The following SLCO1A2 variants were observed in gnomAD, a reference collection of about 807,000 sequenced individuals.
SLCO1A2 encodes the protein OATP-1.
Under a neutral mutation model 69.0 loss-of-function variants are expected in SLCO1A2, and 67 were observed. The ratio of observed to expected loss-of-function variants is 0.97; its 90% CI spans 0.80 to 1.19. The LOEUF is 1.19. SLCO1A2 is among the 50% of genes most tolerant of loss of function. The pLI is 0.00. For missense variants in SLCO1A2, 787 were observed against 793.7 expected (o/e 0.99, Z 0.10); for synonymous variants, 260 against 265.9 (o/e 0.98, Z 0.22).
chr12:21,300,044 ATG>A (rs112100390), intron 8 of SLCO1A2, among the ~76,000 whole-genome samples: 1,652 of 135,184 alleles, frequency 0.012, 30 homozygotes, highest in African/African-American at 0.059. Context: ...GTATATATAT[ATG>A]TGTGTGTACA....
chr12:21,272,460 G>A (rs1943049330), intron 14 of SLCO1A2, among the ~76,000 whole-genome samples: 1 of 151,666 alleles, frequency 6.6e-6, no homozygotes, highest in South Asian at 2.1e-4. Context: ...TATGTTGATA[G>A]ATTTACATAG....
intron 2 of SLCO1A2, among the ~76,000 whole-genome samples, chr12:21,320,849 G>A (rs1184807725): frequency 6.6e-6 from 1 of 151,944 alleles, no homozygotes; most frequent in Non-Finnish European, 1.5e-5. Context: ...TTCCCCACTA[G>A]CTTATTAATA....
At chr12:21,289,610 G>A (rs1244795408) in intron 12 of SLCO1A2, among the ~76,000 whole-genome samples, 1 of 152,026 alleles carries the variant, frequency 6.6e-6, no homozygotes. Flanking sequence ...ACTCCACCCT[G>A]GTTTCCATTT....
intron 12 of SLCO1A2, among the ~76,000 whole-genome samples, chr12:21,283,742 A>G (rs1053776288): frequency 4.6e-5 from 7 of 152,304 alleles, no homozygotes; most frequent in East Asian, 1.9e-4. Flanking sequence ...TAATAATCCA[A>G]TTAACAAATG....
At chr12:21,323,540 G>A (rs1445485570) in intron 2 of SLCO1A2, among the ~76,000 whole-genome samples, 1 of 152,112 alleles carries the variant, frequency 6.6e-6, no homozygotes, top group Non-Finnish European at 1.5e-5. Context: ...ACTCCAGCCT[G>A]GGTGACAGAG....
chr12:21,270,786 A>C (rs1243962079), intron 14 of SLCO1A2, among the ~76,000 whole-genome samples: 1 of 151,446 alleles, frequency 6.6e-6, no homozygotes. Context: ...ATCCCTATGT[A>C]AGTGTTATAA....
intron 1 of SLCO1A2, among the ~76,000 whole-genome samples, chr12:21,392,641 C>G (rs1461516443): frequency 6.6e-6 from 1 of 152,218 alleles, no homozygotes; most frequent in Non-Finnish European, 1.5e-5. Context: ...TAGTGCACCT[C>G]TCTACCTCTA....
chr12:21,408,168 T>C (rs1333621901), intron 1 of SLCO1A2, among the ~76,000 whole-genome samples: 8 of 152,184 alleles, frequency 5.3e-5, no homozygotes. Flanking sequence ...GTGACTTAGA[T>C]GGGCCTGTCC....
chr12:21,358,509 C>A (rs1938551105), intron 2 of SLCO1A2, among the ~76,000 whole-genome samples: 1 of 152,062 alleles, frequency 6.6e-6, no homozygotes, highest in African/African-American at 2.4e-5. Flanking sequence ...TTAGTACTAA[C>A]ACAAAAAGTA....
At position 21,334,615 on chromosome 12, in the gene SLCO1A2, A is replaced by G. The variant is rs760815738; in HGVS notation, c.33T>C (p.His11=). 1 of 1,610,496 alleles carries G rather than the reference A, an allele frequency of 6.2e-7. No homozygotes were observed. The highest frequency in any genetic ancestry group is 8.5e-7 in the Non-Finnish European group (1 of 1,177,868). Residue 11 remains histidine, a synonymous_variant, in exon 2 of 15, where the codon CAT becomes CAC. Coordinates refer to ENST00000683939, the MANE Select transcript of SLCO1A2 (RefSeq NM_001386879.1). ...TCAACTTGGAAAGACATCTTATTCTATGGGTTTCAATTCTTTTCTCAGTTT... is the reference window on the plus strand; with the variant it reads ...TCAACTTGGAAAGACATCTTATTCTGTGGGTTTCAATTCTTTTCTCAGTTT... MGETEKRIET[H]RIRCLSKLKM... is the part of the protein sequence containing the mutation.
chr12:21,313,065 G>A (rs979740672), intron 4 of SLCO1A2, among the ~76,000 whole-genome samples: 6 of 152,038 alleles, frequency 3.9e-5, no homozygotes, highest in African/African-American at 7.2e-5. Flanking sequence ...CACCTTGGGC[G>A]TCACTGTATC....
chr12:21,382,793 C>CA (rs3060709), intron 1 of SLCO1A2, among the ~76,000 whole-genome samples: 21,988 of 74,750 alleles, frequency 0.29, 2,437 homozygotes, highest in African/African-American at 0.45. Context: ...AACTCCGTCT[C>CA]AAAAAAAAAA....
At chr12:21,393,926 T>C (rs572005051) in intron 1 of SLCO1A2, among the ~76,000 whole-genome samples, 1 of 152,310 alleles carries the variant, frequency 6.6e-6, no homozygotes, top group Non-Finnish European at 1.5e-5. Context: ...TGTAGTAAAA[T>C]GCCTTCCTTC....
At chr12:21,295,848 G>A in intron 9 of SLCO1A2, 56 bp from the exon 10 acceptor site, 1 of 972,882 alleles carries the variant, frequency 1.0e-6, no homozygotes, top group Non-Finnish European at 1.6e-6. Flanking sequence ...GAACAAATAT[G>A]TTATCACTTT....
At chr12:21,360,904 G>C (rs1334308652) in intron 2 of SLCO1A2, among the ~76,000 whole-genome samples, 3 of 152,144 alleles carry the variant, frequency 2.0e-5, no homozygotes, top group Non-Finnish European at 4.4e-5. Flanking sequence ...GAACTCGGTG[G>C]AGCCCACCGC....
chr12:21,340,774 A>G (rs1000165019), intron 2 of SLCO1A2, among the ~76,000 whole-genome samples: 6 of 151,964 alleles, frequency 3.9e-5, no homozygotes, highest in Admixed American at 2.0e-4. Flanking sequence ...ATGATTTACA[A>G]TTAAGATGGA....
At chr12:21,406,180 G>C (rs764965380) in intron 1 of SLCO1A2, among the ~76,000 whole-genome samples, 1 of 152,240 alleles carries the variant, frequency 6.6e-6, no homozygotes, top group Non-Finnish European at 1.5e-5. Flanking sequence ...CTGTGTGTCT[G>C]TGTGTCTGTG....
intron 1 of SLCO1A2, chr12:21,379,261 G>A (rs1232201804): frequency 6.6e-6 from 1 of 152,130 alleles, no homozygotes; most frequent in African/African-American, 2.4e-5. Flanking sequence ...ATTGTTTGTT[G>A]TGCTTGCTGG....
At chr12:21,405,583 A>C (rs962092744) in intron 1 of SLCO1A2, among the ~76,000 whole-genome samples, 67 of 152,180 alleles carry the variant, frequency 4.4e-4, no homozygotes, top group African/African-American at 1.6e-3. Context: ...AAACAGACAC[A>C]TCGACCAAGG....
Sources: gnomAD v4.1 joint callset for allele counts (sites outside exome capture counted in the v4.1 genomes callset) on GRCh38, gnomAD v4.1.1 for gene constraint, MANE v1.5 for transcripts, NCBI Gene and HGNC (gene_info 2026-07-23, HGNC 2026-07-21) for gene names.